MAGI1: variants seen among roughly 807,000 people sequenced by gnomAD.
MAGI1 encodes the protein membrane-associated guanylate kinase, WW and PDZ domain-containing protein 1.
Under a neutral mutation model 139.9 loss-of-function variants are expected in MAGI1, and 58 were observed. The ratio of observed to expected loss-of-function variants is 0.41; its 90% confidence interval spans 0.34 to 0.52. MAGI1 has a LOEUF of 0.52. Among genes scored for constraint, MAGI1 ranks in the 20% least tolerant of loss-of-function variants. The probability of loss-of-function intolerance (pLI) is 0.12; values close to 1 mark genes in which losing one functional copy is unlikely to be tolerated. For synonymous variants in MAGI1, 812 were observed against 737.9 expected (o/e 1.10, Z -1.63); for missense variants, 1,874 against 1,901.6 (o/e 0.99, Z 0.27).
At chr3:65,526,250 A>G (rs1315316877) in intron 2 of MAGI1, among the ~76,000 whole-genome samples, 2 of 151,944 alleles carry the variant, frequency 1.3e-5, no homozygotes, top group African/African-American at 2.4e-5. Context: ...CATCTTTGCC[A>G]TTTTTTGCCA....
chr3:65,367,413 G>A (rs1941535319), intron 18 of MAGI1, among the ~76,000 whole-genome samples: 1 of 151,864 alleles, frequency 6.6e-6, no homozygotes, highest in Non-Finnish European at 1.5e-5. Flanking sequence ...CTGTATGTCT[G>A]TGAAACTCTT....
chr3:65,894,531 T>C (rs1240815151), intron 1 of MAGI1, among the ~76,000 whole-genome samples: 1 of 152,240 alleles, frequency 6.6e-6, no homozygotes, highest in Non-Finnish European at 1.5e-5. Flanking sequence ...ATCTAAAGCA[T>C]TCTTAGTTTA....
intron 12 of MAGI1, among the ~76,000 whole-genome samples, chr3:65,402,327 G>A (rs1035283468): frequency 3.3e-5 from 5 of 152,200 alleles, no homozygotes; most frequent in Non-Finnish European, 5.9e-5. Context: ...CTTAGTGGGA[G>A]GGCTGGAGCT....
chr3:65,959,609 TA>T (rs2064312127), intron 1 of MAGI1, among the ~76,000 whole-genome samples: 4 of 134,356 alleles, frequency 3.0e-5, no homozygotes, highest in Non-Finnish European at 6.4e-5. Flanking sequence ...TTTTTATTAT[TA>T]TTATTATTAT....
chr3:65,882,178 A>G (rs1171173724), intron 1 of MAGI1, among the ~76,000 whole-genome samples: 1 of 152,180 alleles, frequency 6.6e-6, no homozygotes, highest in African/African-American at 2.4e-5. Context: ...GTTTCTTGGG[A>G]AACACCCTTT....
Position 65,388,834 on chromosome 3 carries a change from A to ATTT in MAGI1, c.2416+2305_2416+2307dup, listed in dbSNP as rs35579495. On this transcript the variant is annotated intron_variant, in intron 14 of 22. Transcript: ENST00000402939. ...AGGAACAAAACTGGCACCATTCCGAATTTTTTTTTTTTTTTTTTTTTTTTT... is the reference window on the plus strand; with the variant it reads ...AGGAACAAAACTGGCACCATTCCGAATTTTTTTTTTTTTTTTTTTTTTTTTTTT... Among the ~76,000 whole-genome samples the ATTT allele has an allele frequency of 8.2e-3, 758 of 91,934 alleles. 116 individuals are homozygous for ATTT. Among genetic ancestry groups the ATTT allele is most frequent in the African/African-American group, 0.022 (460 of 20,626 alleles). 60.3% of individuals were successfully genotyped at this position (91,934 alleles called of 152,430 possible). A position where few individuals can be genotyped will look rare whatever the true frequency, so the allele number is the denominator to read the frequency against.
At chr3:65,737,515 CA>C (rs2107764412) in intron 1 of MAGI1, among the ~76,000 whole-genome samples, 1 of 152,228 alleles carries the variant, frequency 6.6e-6, no homozygotes, top group South Asian at 2.1e-4. Context: ...ACTGGGGATA[CA>C]ACAGGAAATA....
chr3:65,509,386 T>G (rs1051189751), intron 2 of MAGI1, among the ~76,000 whole-genome samples: 7 of 152,142 alleles, frequency 4.6e-5, no homozygotes, highest in Non-Finnish European at 7.4e-5. Flanking sequence ...CGTTTCCATC[T>G]GAGGTACCGG....
At chr3:65,692,978 C>T (rs2088811412) in intron 1 of MAGI1, among the ~76,000 whole-genome samples, 1 of 152,138 alleles carries the variant, frequency 6.6e-6, no homozygotes, top group Non-Finnish European at 1.5e-5. Context: ...GTTGCCCAGA[C>T]TGGATTACAA....
intron 1 of MAGI1, among the ~76,000 whole-genome samples, chr3:65,901,400 AG>A (rs2061228173): frequency 2.0e-5 from 3 of 152,196 alleles, no homozygotes; most frequent in Non-Finnish European, 4.4e-5. Context: ...TGGAGATATG[AG>A]CGTTGTTTTT....
chr3:65,751,095 G>A (rs2036111078), intron 1 of MAGI1, among the ~76,000 whole-genome samples: 1 of 152,204 alleles, frequency 6.6e-6, no homozygotes, highest in Non-Finnish European at 1.5e-5. Flanking sequence ...CACGTGCCTG[G>A]CACTGGGAAA....
chr3:65,516,273 G>A (rs146687650), intron 2 of MAGI1, among the ~76,000 whole-genome samples: 94 of 152,156 alleles, frequency 6.2e-4, no homozygotes, highest in Non-Finnish European at 1.2e-3. Context: ...TCCACCTCCT[G>A]GGTTCAAGCG....
Position 65,984,549 on chromosome 3 carries a change from T to A in MAGI1, c.313+53447A>T, listed in dbSNP as rs866816431. ...GTGTGTGTGTGTGTGTGTGTGTGTG[T>A]GACAGGGTCTCACTCTATCGCCCAG... is the stretch of plus-strand genomic sequence containing the variant. On this transcript the variant is annotated intron_variant, in intron 1 of 22. Transcript: ENST00000402939. Among the ~76,000 whole-genome samples, 28 of 143,458 alleles carry A rather than the reference T, an allele frequency of 2.0e-4. No homozygotes were observed. In the South Asian group the frequency reaches 2.5e-3, roughly 13 times the overall value. The allele number at this position is 143,458 out of a possible 152,430, so 94.1% of individuals were successfully genotyped here. A position where few individuals can be genotyped will look rare whatever the true frequency, so the allele number is the denominator to read the frequency against.
At chr3:65,530,718 T>C (rs2078634494) in intron 2 of MAGI1, among the ~76,000 whole-genome samples, 3 of 139,018 alleles carry the variant, frequency 2.2e-5, no homozygotes, top group Non-Finnish European at 1.5e-5. Flanking sequence ...CACGTGTATA[T>C]ATATACACAC....
At chr3:65,815,679 A>G (rs1575593252) in intron 1 of MAGI1, among the ~76,000 whole-genome samples, 1 of 152,176 alleles carries the variant, frequency 6.6e-6, no homozygotes, top group South Asian at 2.1e-4. Context: ...CTTGTCATAT[A>G]CATTTGAAAT....
intron 2 of MAGI1, among the ~76,000 whole-genome samples, chr3:65,536,679 G>C (rs1364883233): frequency 6.6e-6 from 1 of 152,074 alleles, no homozygotes. Context: ...AAGTGTTCAG[G>C]GCTGGCCATA....
chr3:65,760,052 T>C (rs2036887458), intron 1 of MAGI1, among the ~76,000 whole-genome samples: 1 of 152,118 alleles, frequency 6.6e-6, no homozygotes, highest in Admixed American at 6.6e-5. Flanking sequence ...AATGGTATAA[T>C]GCAGGTCAAA....
chr3:65,931,303 G>C (rs568762324), intron 1 of MAGI1, among the ~76,000 whole-genome samples: 11 of 152,274 alleles, frequency 7.2e-5, no homozygotes, highest in Admixed American at 6.5e-4. Context: ...AAAGTGCTGA[G>C]ATTACAGGCA....
intron 1 of MAGI1, among the ~76,000 whole-genome samples, chr3:65,962,908 C>A (rs1576279965): frequency 8.2e-6 from 1 of 122,422 alleles, no homozygotes; most frequent in Non-Finnish European, 1.7e-5. Flanking sequence ...AAAAAATGAG[C>A]AGAGAAATTA....
Sources: gnomAD v4.1 joint callset for allele counts (sites outside exome capture counted in the v4.1 genomes callset) on GRCh38, gnomAD v4.1.1 for gene constraint, MANE v1.5 for transcripts, NCBI Gene and HGNC (gene_info 2026-07-23, HGNC 2026-07-21) for gene names.